Variants in INPP4A observed in about 807,000 individuals in gnomAD.
INPP4A encodes inositol polyphosphate-4-phosphatase type I A, also known as inositol polyphosphate-4-phosphatase, type I, 107kD.
Under a neutral mutation model 119.8 loss-of-function variants are expected in INPP4A, and 33 were observed. That is an observed-to-expected ratio of 0.28 (90% CI 0.21 to 0.37). The LOEUF is 0.37. Ranked by LOEUF, INPP4A falls within the 10% of genes least tolerant of loss-of-function variation. INPP4A has a pLI of 1.00. For synonymous variants in INPP4A, 496 were observed against 500.7 expected (o/e 0.99, Z 0.12); for missense variants, 956 against 1,289.9 (o/e 0.74, Z 3.97).
At chr2:98,452,200 A>T (rs1013058118) in intron 1 of INPP4A, among the ~76,000 whole-genome samples, 1 of 152,150 alleles carries the variant, frequency 6.6e-6, no homozygotes, top group African/African-American at 2.4e-5. Flanking sequence ...CTGTGGAGCA[A>T]AGGGTCACGT....
intron 24 of INPP4A, among the ~76,000 whole-genome samples, chr2:98,582,148 C>T (rs1699396626): frequency 6.6e-6 from 1 of 152,230 alleles, no homozygotes; most frequent in East Asian, 1.9e-4. Context: ...ATATTTGATA[C>T]TATTCTTTAA....
chr2:98,574,637 CAAAA>C (rs79411642), intron 23 of INPP4A, among the ~76,000 whole-genome samples: 1 of 90,752 alleles, frequency 1.1e-5, no homozygotes, highest in Non-Finnish European at 2.3e-5. Flanking sequence ...GACTCCATCT[CAAAA>C]AAAAAAAAAA....
At chr2:98,514,401 A>G (rs552363884) in intron 1 of INPP4A, among the ~76,000 whole-genome samples, 2 of 152,246 alleles carry the variant, frequency 1.3e-5, no homozygotes, top group Non-Finnish European at 2.9e-5. Context: ...CTGGAGCGGT[A>G]AGAGTATATC....
At chr2:98,460,373 G>A (rs1342589832) in intron 1 of INPP4A, among the ~76,000 whole-genome samples, 2 of 152,030 alleles carry the variant, frequency 1.3e-5, no homozygotes, top group Non-Finnish European at 2.9e-5. Flanking sequence ...AGGGACTGGG[G>A]CAATGCATCA....
intron 20 of INPP4A, 86 bp downstream of exon 20, chr2:98,565,852 A>T (rs1186800883): frequency 3.2e-6 from 5 of 1,557,462 alleles, no homozygotes; most frequent in Non-Finnish European, 4.4e-6. Flanking sequence ...TGAATTTTTT[A>T]TCCTATTTCA....
At chr2:98,526,838 T>TA (rs1403769634) in intron 4 of INPP4A, among the ~76,000 whole-genome samples, 1 of 152,158 alleles carries the variant, frequency 6.6e-6, no homozygotes, top group African/African-American at 2.4e-5. Flanking sequence ...GCGAGCATCT[T>TA]ACATGATGAG....
At chr2:98,515,947 G>T (rs1029896489) in intron 1 of INPP4A, among the ~76,000 whole-genome samples, 1 of 152,212 alleles carries the variant, frequency 6.6e-6, no homozygotes, top group Non-Finnish European at 1.5e-5. Context: ...TGTCGGAGGG[G>T]TCACATGAGT....
chr2:98,488,935 CTGTGTGTGTGTGTGTGTGTGTGTG>C (rs55758146), intron 1 of INPP4A, among the ~76,000 whole-genome samples: 4 of 126,026 alleles, frequency 3.2e-5, no homozygotes, highest in Admixed American at 1.6e-4. Context: ...AGTACATGCA[CTGTGTGTGTGTGTGTGTGTGTGTG>C]TGTGTGTGTG....
At chr2:98,551,370 G>A (rs965114939) in intron 13 of INPP4A, among the ~76,000 whole-genome samples, 1 of 152,186 alleles carries the variant, frequency 6.6e-6, no homozygotes, top group African/African-American at 2.4e-5. Context: ...ATCATGCTGT[G>A]GAATGACTCC....
intron 1 of INPP4A, among the ~76,000 whole-genome samples, chr2:98,469,220 T>A (rs981173722): frequency 1.3e-5 from 2 of 152,146 alleles, no homozygotes; most frequent in African/African-American, 4.8e-5. Flanking sequence ...GCCTCCTGGC[T>A]GGGCACGGTG....
At chr2:98,551,665 GT>G (rs1400645241) in intron 13 of INPP4A, among the ~76,000 whole-genome samples, 1 of 152,110 alleles carries the variant, frequency 6.6e-6, no homozygotes, top group African/African-American at 2.4e-5. Context: ...GTGGTGAGAG[GT>G]GCCCTCGCTC....
At chr2:98,565,953 G>C in intron 20 of INPP4A, 76 bp from the exon 21 acceptor site, 2 of 1,532,734 alleles carry the variant, frequency 1.3e-6, no homozygotes, top group Non-Finnish European at 1.8e-6. Context: ...TAAGCCAGAG[G>C]GCCAGCCTGG....
intron 1 of INPP4A, among the ~76,000 whole-genome samples, chr2:98,475,089 T>C (rs1676926728): frequency 6.6e-6 from 1 of 152,150 alleles, no homozygotes; most frequent in Admixed American, 6.5e-5. Flanking sequence ...GGGAAATTGC[T>C]GTTTAAATTG....
Position 98,542,755 on chromosome 2 carries a change from G to GT in INPP4A, c.819-1111dup, listed in dbSNP as rs981861604. 8.0e-4 allele frequency among the ~76,000 whole-genome samples: 116 copies of GT among 145,706 alleles called. 1 individual carries two copies. The highest frequency in any genetic ancestry group is 7.3e-3 in the Middle Eastern group (2 of 274). On this transcript the variant is annotated intron_variant, in intron 10 of 24. Coordinates refer to ENST00000409851, the MANE Select transcript of INPP4A (RefSeq NM_001134225.2). ...AATTTATATTTCAGTTCTTATACAG[G>GT]TTTTTTTTTTTGGAGATAACAATTC...
intron 1 of INPP4A, among the ~76,000 whole-genome samples, chr2:98,500,980 G>A (rs1558955364): frequency 6.6e-6 from 1 of 152,204 alleles, no homozygotes; most frequent in Non-Finnish European, 1.5e-5. Flanking sequence ...TACTTAGCTA[G>A]TTTAAAATAT....
At chr2:98,518,574 C>T (rs1686587907) in intron 1 of INPP4A, among the ~76,000 whole-genome samples, 1 of 152,208 alleles carries the variant, frequency 6.6e-6, no homozygotes, top group Non-Finnish European at 1.5e-5. Flanking sequence ...TTCATTGCAG[C>T]CCCATGAGAT....
chr2:98,485,047 A>AGT (rs1345631410), intron 1 of INPP4A, among the ~76,000 whole-genome samples: 1 of 150,430 alleles, frequency 6.6e-6, no homozygotes, highest in Non-Finnish European at 1.5e-5. Flanking sequence ...AAGCGAACAG[A>AGT]GTGTGTGTGT....
At chr2:98,540,572 G>C (rs1366767062) in intron 10 of INPP4A, among the ~76,000 whole-genome samples, 2 of 152,230 alleles carry the variant, frequency 1.3e-5, no homozygotes, top group Non-Finnish European at 2.9e-5. Context: ...GATCAGAAAA[G>C]TATTTGACTC....
intron 23 of INPP4A, among the ~76,000 whole-genome samples, chr2:98,574,535 G>A (rs920809646): frequency 3.9e-5 from 6 of 151,970 alleles, no homozygotes; most frequent in Admixed American, 6.6e-5. Context: ...CTACTCGGGC[G>A]GCTGAGGTAG....
Sources: gnomAD v4.1 joint callset for allele counts (sites outside exome capture counted in the v4.1 genomes callset) on GRCh38, gnomAD v4.1.1 for gene constraint, MANE v1.5 for transcripts, NCBI Gene and HGNC (gene_info 2026-07-23, HGNC 2026-07-21) for gene names.